STS: variants seen among roughly 807,000 people sequenced by gnomAD.
STS encodes the protein steryl-sulfatase.
Under a neutral mutation model 26.8 loss-of-function variants are expected in STS, and 7 were observed. The observed-to-expected ratio is 0.26, with a 90% confidence interval of 0.15 to 0.49. The LOEUF (loss-of-function observed/expected upper bound fraction) is 0.49, where lower values mean the gene tolerates loss of function less well. Among genes scored for constraint, STS ranks in the 20% least tolerant of loss-of-function variants. The probability of loss-of-function intolerance (pLI) is 0.98; values close to 1 mark genes in which losing one functional copy is unlikely to be tolerated. For synonymous variants in STS, 199 were observed against 189.4 expected (o/e 1.05, Z -0.42); for missense variants, 434 against 465.6 (o/e 0.93, Z 0.63).
At chrX:7,300,146 A>C (rs971768444) in intron 7 of STS, among the ~76,000 whole-genome samples, 1 of 112,150 alleles carries the variant, frequency 8.9e-6, no homozygotes, top group East Asian at 2.8e-4. Flanking sequence ...TTGGGACTGC[A>C]AAAGGTCTGG....
chrX:7,236,630 ATTAC>A (rs1200718484), intron 2 of STS, among the ~76,000 whole-genome samples: 1 of 101,749 alleles, frequency 9.8e-6, no homozygotes, highest in African/African-American at 3.5e-5. Context: ...AATTTCTAAT[ATTAC>A]TTACCAATAA....
intron 10 of STS, among the ~76,000 whole-genome samples, chrX:7,342,542 G>A (rs1192057700): frequency 1.8e-5 from 2 of 112,408 alleles, no homozygotes; most frequent in Non-Finnish European, 3.8e-5. Context: ...CAAATTGGCT[G>A]GCTGTGAAAC....
intron 2 of STS, among the ~76,000 whole-genome samples, chrX:7,207,348 G>T (rs1920957941): frequency 8.9e-6 from 1 of 112,229 alleles, no homozygotes; most frequent in African/African-American, 3.2e-5. Flanking sequence ...ACATGAATTT[G>T]TTGGCATTGT....
intron 8 of STS, among the ~76,000 whole-genome samples, chrX:7,309,247 A>T (rs757617391): frequency 8.9e-6 from 1 of 111,742 alleles, no homozygotes; most frequent in Non-Finnish European, 1.9e-5. Context: ...TGTAACTTGG[A>T]TGGAGCTGGA....
intron 8 of STS, among the ~76,000 whole-genome samples, chrX:7,307,080 A>C (rs773712034): frequency 9.0e-6 from 1 of 111,478 alleles, no homozygotes; most frequent in Non-Finnish European, 1.9e-5. Flanking sequence ...CCTAGCACAA[A>C]AAGATGCCTG....
intron 8 of STS, among the ~76,000 whole-genome samples, chrX:7,312,726 A>G (rs778148730): frequency 2.7e-5 from 3 of 111,627 alleles, no homozygotes; most frequent in East Asian, 5.7e-4. Context: ...ACCTCCCGCC[A>G]TGATTTTGAG....
At chrX:7,279,455 G>C (rs1338119175) in intron 7 of STS, among the ~76,000 whole-genome samples, 45 of 102,326 alleles carry the variant, frequency 4.4e-4, no homozygotes, top group African/African-American at 1.5e-3. Flanking sequence ...TGGGGGCTTG[G>C]ATCCTGGTAA....
Position 7,267,121 on chromosome X carries a change from C to A in STS, c.806+7349C>A, listed in dbSNP as rs777135202. Among the ~76,000 whole-genome samples, 91 of 112,129 alleles carry A rather than the reference C, an allele frequency of 8.1e-4. 1 individual carries two copies. The highest frequency in any genetic ancestry group is 2.9e-3 in the African/African-American group (90 of 30,859). Reference sequence around the variant, plus strand: ...ATGCTTCATAAACAGTTGGGGGAATCTTTTCCATCTACTCTAGTGCGGTAG... The same window carrying A: ...ATGCTTCATAAACAGTTGGGGGAATATTTTCCATCTACTCTAGTGCGGTAG... On this transcript the variant is annotated intron_variant, in intron 6 of 10. Coordinates refer to ENST00000674429, the MANE Select transcript of STS (RefSeq NM_001320752.2).
intron 8 of STS, among the ~76,000 whole-genome samples, chrX:7,307,250 A>G (rs1926263986): frequency 9.0e-6 from 1 of 111,636 alleles, no homozygotes; most frequent in African/African-American, 3.3e-5. Context: ...GATTAACCCC[A>G]GTAGGCTATC....
intron 2 of STS, chrX:7,219,451 C>A: frequency 3.7e-6 from 4 of 1,088,473 alleles, no homozygotes; most frequent in Non-Finnish European, 4.8e-6. Context: ...ATTATCTGCC[C>A]AAGCACAGTG....
At chrX:7,262,012 A>G (rs1211899479) in intron 6 of STS, among the ~76,000 whole-genome samples, 1 of 112,259 alleles carries the variant, frequency 8.9e-6, no homozygotes, top group Non-Finnish European at 1.9e-5. Flanking sequence ...GGTCATTTTA[A>G]GTATTCTCAG....
chrX:7,151,487 A>G (rs1461474096), intron 1 of STS, among the ~76,000 whole-genome samples: 1 of 111,572 alleles, frequency 9.0e-6, no homozygotes, highest in Non-Finnish European at 1.9e-5. Flanking sequence ...TGGCTTTGCA[A>G]CGCTGACTTA....
chrX:7,254,958 G>T (rs760244745), intron 3 of STS, among the ~76,000 whole-genome samples: 1 of 111,824 alleles, frequency 8.9e-6, no homozygotes, highest in Non-Finnish European at 1.9e-5. Context: ...GCCATGGGGC[G>T]CTGGTTATTT....
intron 1 of STS, chrX:7,148,285 C>G: frequency 3.6e-6 from 1 of 278,831 alleles, no homozygotes; most frequent in Non-Finnish European, 6.4e-6. Flanking sequence ...CCTAGTGGCG[C>G]TCCGCGCACG....
intron 8 of STS, among the ~76,000 whole-genome samples, chrX:7,323,847 G>C (rs1306431015): frequency 9.0e-6 from 1 of 111,297 alleles, no homozygotes; most frequent in East Asian, 2.8e-4. Flanking sequence ...CTGCATTCCT[G>C]GGCTTGGGGT....
In STS at chrX:7,335,589, T is replaced by C. The variant is rs368424647; in HGVS notation, c.1363+1482T>C. The stretch of plus-strand genomic sequence containing the variant: ...TTCACTCTGATGGTAGTTTCTTTTG[T>C]TGTGCAGAAGCTCTTTAGTTTAATT... On this transcript the variant is annotated intron_variant, in intron 10 of 10. Transcript: ENST00000674429. 1.0e-4 allele frequency among the ~76,000 whole-genome samples: 11 copies of C among 109,891 alleles called. No homozygotes were observed. In the South Asian group the frequency reaches 1.2e-3, roughly 12 times the overall value.
intron 1 of STS, among the ~76,000 whole-genome samples, chrX:7,150,783 C>G (rs1238288823): frequency 9.0e-6 from 1 of 110,776 alleles, no homozygotes; most frequent in Non-Finnish European, 1.9e-5. Context: ...TTCTCTGTCA[C>G]AAGCTAGATT....
intron 8 of STS, among the ~76,000 whole-genome samples, chrX:7,320,010 A>ATT (rs1926915609): frequency 8.0e-5 from 7 of 87,469 alleles, no homozygotes; most frequent in African/African-American, 2.9e-4. Context: ...TTTTATATAT[A>ATT]TATTTATATA....
intron 2 of STS, among the ~76,000 whole-genome samples, chrX:7,228,725 C>T (rs1921926754): frequency 8.9e-6 from 1 of 112,102 alleles, no homozygotes; most frequent in Non-Finnish European, 1.9e-5. Context: ...GTTAGTTTGA[C>T]GTAGTCCCAC....
Sources: allele counts gnomAD v4.1 joint callset (sites outside exome capture counted in the v4.1 genomes callset), GRCh38; gene constraint gnomAD v4.1.1; transcripts MANE v1.5; gene names NCBI Gene and HGNC (gene_info 2026-07-23, HGNC 2026-07-21).